TMEM106B: variants seen among roughly 807,000 people sequenced by gnomAD.
TMEM106B encodes transmembrane protein 106B.
In TMEM106B, 15 loss-of-function variants were observed where a neutral mutation model predicts 31.1. The observed-to-expected ratio is 0.48, with a 90% confidence interval of 0.32 to 0.74. The LOEUF is 0.74. Ranked by LOEUF, TMEM106B falls within the 30% of genes least tolerant of loss-of-function variation. The probability of loss-of-function intolerance (pLI) is 0.03; values close to 1 mark genes in which losing one functional copy is unlikely to be tolerated. For missense variants in TMEM106B, 283 were observed against 327.3 expected (o/e 0.86, Z 1.04); for synonymous variants, 126 against 112.5 (o/e 1.12, Z -0.76).
rs1225566454 is a variant in TMEM106B at position 12,214,836 on chromosome 7, C to G, written c.26C>G (p.Pro9Arg). 1 of 1,611,840 alleles carries G rather than the reference C, an allele frequency of 6.2e-7. No individual in the cohort carries two copies. The highest frequency in any genetic ancestry group is 8.5e-7 in the Non-Finnish European group (1 of 1,178,860). ...ATGGGAAAGTCTCTTTCTCATTTGC[C>G]TTTGCATTCAAGCAAAGAAGATGCT... Reference protein sequence around the residue: MGKSLSHLPLHSSKEDAYD... With the variant: MGKSLSHLRLHSSKEDAYD... Residue 9 changes from proline (P) to arginine (R), a missense_variant, in exon 2 of 8, where the codon CCT becomes CGT. This residue lies in a region of TMEM106B where 77 missense variants were observed against 89.4 expected (regional missense o/e 0.86). Coordinates refer to ENST00000396668, the MANE Select transcript of TMEM106B (RefSeq NM_001134232.2).
At chr7:12,220,903 G>A (rs1011861179) in intron 3 of TMEM106B, among the ~76,000 whole-genome samples, 1 of 152,098 alleles carries the variant, frequency 6.6e-6, no homozygotes, top group South Asian at 2.1e-4. Context: ...TAAAATGGAA[G>A]GAGAACTATA....
At chr7:12,224,451 TC>T in intron 4 of TMEM106B, 66 bp downstream of exon 4, 2 of 1,360,092 alleles carry the variant, frequency 1.5e-6, no homozygotes, top group South Asian at 2.6e-5. Context: ...AGCACCTTTG[TC>T]CCCATTGAGA....
At chr7:12,213,893 T>C (rs943337851) in intron 1 of TMEM106B, among the ~76,000 whole-genome samples, 3 of 152,192 alleles carry the variant, frequency 2.0e-5, no homozygotes, top group Non-Finnish European at 4.4e-5. Context: ...AAAAAGGTAG[T>C]TCAGGCCATG....
chr7:12,229,780 A>T lies in TMEM106B; in HGVS notation c.543A>T (p.Leu181Phe). 6.2e-7 allele frequency: 1 copy of T among 1,611,568 alleles called. No homozygotes were observed. Residue 181 changes from leucine (L) to phenylalanine (F), a missense_variant, in exon 5 of 8, where the codon TTA becomes TTT. This residue lies in a region of TMEM106B where 201 missense variants were observed against 211.5 expected (regional missense o/e 0.95). Transcript: ENST00000396668. ...FSKTVIGKARLNNITIIGPLD... is the reference protein window; with the variant it reads ...FSKTVIGKARFNNITIIGPLD... Reference sequence around the variant, plus strand: ...AAACAGTTATTGGAAAGGCACGCTTAAACAACATAACCATTATTGGTCCAC... The same window carrying T: ...AAACAGTTATTGGAAAGGCACGCTTTAACAACATAACCATTATTGGTCCAC...
chr7:12,222,273 A>T (rs1490467374), intron 3 of TMEM106B, among the ~76,000 whole-genome samples: 1 of 152,164 alleles, frequency 6.6e-6, no homozygotes, highest in Non-Finnish European at 1.5e-5. Flanking sequence ...GCCATAAGAA[A>T]AATCATTACT....
At chr7:12,230,503 G>C in intron 6 of TMEM106B, 65 bp downstream of exon 6, 1 of 1,108,984 alleles carries the variant, frequency 9.0e-7, no homozygotes, top group Non-Finnish European at 1.3e-6. Flanking sequence ...AAAGTATAAA[G>C]AGTATACATA....
chr7:12,225,706 T>C (rs888769436), intron 4 of TMEM106B, among the ~76,000 whole-genome samples: 3 of 152,190 alleles, frequency 2.0e-5, no homozygotes, highest in African/African-American at 7.2e-5. Flanking sequence ...CGCCCACTTT[T>C]TGATGGGGTT....
intron 1 of TMEM106B, among the ~76,000 whole-genome samples, chr7:12,211,795 C>G (rs1401432490): frequency 6.6e-6 from 1 of 152,192 alleles, no homozygotes; most frequent in Admixed American, 6.5e-5. Flanking sequence ...TTCAAAGGCG[C>G]TTGTTTCCTT....
intron 3 of TMEM106B, among the ~76,000 whole-genome samples, chr7:12,220,709 A>G (rs965782507): frequency 2.0e-5 from 3 of 152,168 alleles, no homozygotes; most frequent in South Asian, 2.1e-4. Context: ...TTACATCTGC[A>G]TTTACTTTTT....
chr7:12,221,677 G>T (rs1289635140), intron 3 of TMEM106B, among the ~76,000 whole-genome samples: 1 of 152,212 alleles, frequency 6.6e-6, no homozygotes. Flanking sequence ...TACTGTCTGA[G>T]AAAGGTTCCA....
chr7:12,233,702 T>G lies in TMEM106B; in HGVS notation c.*1727T>G, dbSNP rs574194368. The G allele has an allele frequency of 1.3e-5, 2 of 151,742 alleles. No individual in the cohort carries two copies. The highest frequency in any genetic ancestry group is 3.9e-4 in the East Asian group (2 of 5,178). 9.4% of individuals were successfully genotyped at this position (151,742 alleles called of 1,614,324 possible). ...TAAAAAAAAAAAAATCATTTTCATTTTTCTTCTGCTACGTTTCCTGACTAC... is the reference window on the plus strand; with the variant it reads ...TAAAAAAAAAAAAATCATTTTCATTGTTCTTCTGCTACGTTTCCTGACTAC... On this transcript the variant is annotated 3_prime_UTR_variant, in exon 8 of 8. Coordinates refer to ENST00000396668, the MANE Select transcript of TMEM106B (RefSeq NM_001134232.2).
Position 12,233,524 on chromosome 7 carries a change from C to G in TMEM106B, c.*1549C>G, listed in dbSNP as rs981048789. 6.6e-6 allele frequency: 1 copy of G among 151,178 alleles called. No homozygotes were observed. Among genetic ancestry groups the G allele is most frequent in the African/African-American group, 2.4e-5 (1 of 41,294 alleles). The allele number at this position is 151,178 out of a possible 1,614,324, so 9.4% of individuals were successfully genotyped here. ...CCCTTAATTTTCATATTATTTTCTG[C>G]AAGTTTTCTTGAGTATCTTCAATTC... On this transcript the variant is annotated 3_prime_UTR_variant, in exon 8 of 8. Coordinates refer to ENST00000396668, the MANE Select transcript of TMEM106B (RefSeq NM_001134232.2).
At position 12,241,786 on chromosome 7, in the gene TMEM106B, C is replaced by A. The variant is rs575449732; in HGVS notation, c.*9811C>A. On this transcript the variant is annotated 3_prime_UTR_variant, in exon 8 of 8. Transcript: ENST00000396668. Reference sequence around the variant, plus strand: ...ACACCCAGTAATGGGATTGCTGGGTCAAATGGTATTTCTGGTTCTAGATCC... The same window carrying A: ...ACACCCAGTAATGGGATTGCTGGGTAAAATGGTATTTCTGGTTCTAGATCC... 6.6e-6 allele frequency: 1 copy of A among 152,252 alleles called. No homozygotes were observed. Among genetic ancestry groups the A allele is most frequent in the African/African-American group, 2.4e-5 (1 of 41,538 alleles). 9.4% of individuals were successfully genotyped at this position (152,252 alleles called of 1,614,324 possible). A position where few individuals can be genotyped will look rare whatever the true frequency, so the allele number is the denominator to read the frequency against.
chr7:12,239,713 C>T lies in TMEM106B; in HGVS notation c.*7738C>T, dbSNP rs991035024. The T allele has an allele frequency of 4.6e-5, 7 of 152,112 alleles. No homozygotes were observed. The highest frequency in any genetic ancestry group is 1.4e-4 in the African/African-American group (6 of 41,418). 9.4% of individuals were successfully genotyped at this position (152,112 alleles called of 1,614,324 possible). ...CAAGGAGAGAGGGATGTGGGAACAG[C>T]TGGTTAGGAGAGCAGTCCGAACACA... On this transcript the variant is annotated 3_prime_UTR_variant, in exon 8 of 8. Coordinates refer to ENST00000396668, the MANE Select transcript of TMEM106B (RefSeq NM_001134232.2).
chr7:12,223,114 A>C (rs1436647896), intron 3 of TMEM106B, among the ~76,000 whole-genome samples: 1 of 152,198 alleles, frequency 6.6e-6, no homozygotes, highest in Non-Finnish European at 1.5e-5. Context: ...TCTGGTTTTG[A>C]GGTTAACCTT....
At chr7:12,230,966 T>C in intron 6 of TMEM106B, 96 bp from the exon 7 acceptor site, 1 of 792,318 alleles carries the variant, frequency 1.3e-6, no homozygotes, top group Non-Finnish European at 2.0e-6. Context: ...GCTTATTATA[T>C]TTCTTAGCAT....
rs1782245365 is a variant in TMEM106B, at chr7:12,242,082, A to AAATACCCTTCTTTAAC, written c.*10109_*10110insTACCCTTCTTTAACAA. The AAATACCCTTCTTTAAC allele has an allele frequency of 9.3e-6, 1 of 107,598 alleles. No individual in the cohort carries two copies. Among genetic ancestry groups the AAATACCCTTCTTTAAC allele is most frequent in the African/African-American group, 4.9e-5 (1 of 20,474 alleles). The allele number at this position is 107,598 out of a possible 1,614,324, so 6.7% of individuals were successfully genotyped here. ...AAGGTACTTAATTCTTAAATTAAAA[A>AAATACCCTTCTTTAAC]AAAATACCCGGCCGGGCACGGTGGC... On this transcript the variant is annotated 3_prime_UTR_variant, in exon 8 of 8. Transcript: ENST00000396668.
intron 2 of TMEM106B, chr7:12,215,548 G>T: frequency 3.6e-6 from 1 of 274,254 alleles, no homozygotes; most frequent in Non-Finnish European, 7.9e-6. Context: ...GAGTTAATGT[G>T]TAAGGAAGCT....
chr7:12,240,360 T>A lies in TMEM106B; in HGVS notation c.*8385T>A, dbSNP rs1278566061. 6.6e-6 allele frequency: 1 copy of A among 152,208 alleles called. No individual in the cohort carries two copies. Among genetic ancestry groups the A allele is most frequent in the African/African-American group, 2.4e-5 (1 of 41,448 alleles). 9.4% of individuals were successfully genotyped at this position (152,208 alleles called of 1,614,324 possible). On this transcript the variant is annotated 3_prime_UTR_variant, in exon 8 of 8. Transcript: ENST00000396668. ...TGGTGAACTTTTTCTGAATGTTTTT[T>A]CTGAATGTTTACTTTTAAAGGAGTT...
Sources: gnomAD v4.1 joint callset for allele counts (sites outside exome capture counted in the v4.1 genomes callset) on GRCh38, gnomAD v4.1.1 for gene constraint, gnomAD v4.1.1 regional missense constraint, MANE v1.5 for transcripts, NCBI Gene and HGNC (gene_info 2026-07-23, HGNC 2026-07-21) for gene names.